Variants in PDE1A observed in about 807,000 individuals in gnomAD.
The protein encoded by PDE1A is dual specificity calcium/calmodulin-dependent 3',5'-cyclic nucleotide phosphodiesterase 1A.
PDE1A carries 35 observed loss-of-function variants against 61.7 expected under a neutral mutation model. The ratio of observed to expected loss-of-function variants is 0.57; its 90% CI spans 0.43 to 0.75. The LOEUF (loss-of-function observed/expected upper bound fraction) is 0.75. PDE1A is among the 30% of genes least tolerant of loss of function. The pLI is 0.00. For missense variants in PDE1A, 597 were observed against 630.6 expected (o/e 0.95, Z 0.57); for synonymous variants, 232 against 213.2 (o/e 1.09, Z -0.77).
the PDE1A span, among the ~76,000 whole-genome samples, chr2:182,572,609 G>T: frequency 6.6e-6 from 1 of 152,132 alleles, no homozygotes; most frequent in African/African-American, 2.4e-5. Context: ...TAGGCCAGGC[G>T]CGGTGGCTCA....
chr2:182,484,663 G>T (rs991340135), intron 2 of PDE1A, among the ~76,000 whole-genome samples: 2 of 151,544 alleles, frequency 1.3e-5, no homozygotes, highest in Non-Finnish European at 3.0e-5. Context: ...AAACTAATTT[G>T]CAGGAGAAAA....
chr2:182,416,239 T>C (rs1373446070), intron 1 of PDE1A, among the ~76,000 whole-genome samples: 1 of 152,198 alleles, frequency 6.6e-6, no homozygotes, highest in Non-Finnish European at 1.5e-5. Context: ...TGTTTAACTG[T>C]CTATTTCTCA....
chr2:182,378,805 A>G (rs1700564773), intron 1 of PDE1A, among the ~76,000 whole-genome samples: 1 of 152,222 alleles, frequency 6.6e-6, no homozygotes, highest in African/African-American at 2.4e-5. Flanking sequence ...AGTCAGAACT[A>G]CACTACTATG....
At chr2:182,702,923 T>C in the PDE1A span, among the ~76,000 whole-genome samples, 1 of 152,234 alleles carries the variant, frequency 6.6e-6, no homozygotes, top group Admixed American at 6.5e-5. Flanking sequence ...TCACTGTCTT[T>C]CTTGTGATCT....
intron 1 of PDE1A, among the ~76,000 whole-genome samples, chr2:182,333,769 C>CA (rs1186854929): frequency 3.3e-5 from 5 of 151,940 alleles, no homozygotes; most frequent in Admixed American, 1.3e-4. Context: ...AAAAACCCTT[C>CA]AAAAAATCAA....
the PDE1A span, among the ~76,000 whole-genome samples, chr2:182,650,650 A>G: frequency 6.6e-6 from 1 of 152,198 alleles, no homozygotes; most frequent in African/African-American, 2.4e-5. Flanking sequence ...ATACAAGGTA[A>G]TTAAGTAAAA....
At chr2:182,516,783 AAAAG>A (rs59696946) in intron 2 of PDE1A, among the ~76,000 whole-genome samples, 9,031 of 135,158 alleles carry the variant, frequency 0.067, 339 homozygotes, top group Middle Eastern at 0.093. Context: ...GAAAGAAAGA[AAAAG>A]AAAGAAAGAG....
chr2:182,280,037 A>G (rs961949284), intron 1 of PDE1A, among the ~76,000 whole-genome samples: 1 of 151,934 alleles, frequency 6.6e-6, no homozygotes, highest in Non-Finnish European at 1.5e-5. Context: ...GTTTTATAAT[A>G]CTTGTAACAT....
At chr2:182,519,215 T>G (rs1369913509) in intron 2 of PDE1A, among the ~76,000 whole-genome samples, 1 of 152,092 alleles carries the variant, frequency 6.6e-6, no homozygotes, top group Non-Finnish European at 1.5e-5. Context: ...CATTTGGTGT[T>G]GAGATGGCAT....
Position 182,360,820 on chromosome 2 carries a change from TG to T in PDE1A, c.53+65757del, listed in dbSNP as rs1313193740. On this transcript the variant is annotated intron_variant, in intron 1 of 13. Coordinates refer to ENST00000351439, the Ensembl canonical transcript of PDE1A. ...CCCTGTACTCAGTTGATCTGCTGTA[TG>T]GATTCTTGACAAGTTTTAAAATATT... 2.6e-5 allele frequency among the ~76,000 whole-genome samples: 4 copies of T among 152,106 alleles called. No homozygotes were observed. In the East Asian group the frequency reaches 7.7e-4, roughly 29 times the overall value.
At chr2:182,535,568 C>A in the PDE1A span, among the ~76,000 whole-genome samples, 3 of 151,996 alleles carry the variant, frequency 2.0e-5, no homozygotes, top group Admixed American at 2.0e-4. Flanking sequence ...AGTTAACTAT[C>A]TTGGAGTTTT....
intron 2 of PDE1A, among the ~76,000 whole-genome samples, chr2:182,445,764 T>G (rs573683014): frequency 1.3e-5 from 2 of 152,146 alleles, no homozygotes; most frequent in Non-Finnish European, 2.9e-5. Context: ...TTTTCCATTA[T>G]TGAAGCTTAA....
At chr2:182,428,690 A>G (rs925569890), upstream of PDE1A, among the ~76,000 whole-genome samples, 19 of 152,138 alleles carry the variant, frequency 1.2e-4, no homozygotes, top group Admixed American at 9.2e-4. Flanking sequence ...CACATTGTAC[A>G]GGTCTTCTGG....
chr2:182,653,388 A>T, the PDE1A span, among the ~76,000 whole-genome samples: 1 of 152,136 alleles, frequency 6.6e-6, no homozygotes, highest in Non-Finnish European at 1.5e-5. Flanking sequence ...AAATCACTCC[A>T]TAATTTTAAT....
intron 2 of PDE1A, among the ~76,000 whole-genome samples, chr2:182,254,127 A>G (rs1375524294): frequency 6.6e-6 from 1 of 152,198 alleles, no homozygotes; most frequent in East Asian, 1.9e-4. Context: ...TTTGTTAGTC[A>G]TTTCTCAAAA....
chr2:182,701,472 C>A, the PDE1A span, among the ~76,000 whole-genome samples: 4,485 of 52,782 alleles, frequency 0.085, 204 homozygotes, highest in African/African-American at 0.14. Context: ...CTTGCACCTC[C>A]CGGGTTCAAG....
the PDE1A span, among the ~76,000 whole-genome samples, chr2:182,575,609 T>C: frequency 6.6e-6 from 1 of 151,084 alleles, no homozygotes; most frequent in African/African-American, 2.4e-5. Context: ...GACCCATGAA[T>C]CCTGGCTATG....
chr2:182,265,757 C>G (rs1268773807), intron 1 of PDE1A, among the ~76,000 whole-genome samples: 1 of 152,026 alleles, frequency 6.6e-6, no homozygotes, highest in Non-Finnish European at 1.5e-5. Flanking sequence ...TGCTCTTTAC[C>G]AAGTACAAAA....
At chr2:182,212,202 A>ATT (rs1553538212) in intron 7 of PDE1A, among the ~76,000 whole-genome samples, 44,883 of 150,488 alleles carry the variant, frequency 0.3, 6,999 homozygotes, top group Non-Finnish European at 0.34. Context: ...AAAATTATAT[A>ATT]TATTACGTAC....
Sources: allele counts gnomAD v4.1 joint callset (sites outside exome capture counted in the v4.1 genomes callset), GRCh38; gene constraint gnomAD v4.1.1; transcripts MANE v1.5; gene names NCBI Gene and HGNC (gene_info 2026-07-23, HGNC 2026-07-21).